Variants in NCALD observed in about 807,000 individuals in gnomAD.
NCALD encodes the protein neurocalcin delta.
A neutral mutation model predicts 18.6 loss-of-function variants in NCALD; 10 were observed. The ratio of observed to expected loss-of-function variants is 0.54; its 90% CI spans 0.33 to 0.91. The LOEUF is 0.91. NCALD is among the 40% of genes least tolerant of loss of function. The probability of loss-of-function intolerance (pLI) is 0.03; values close to 1 mark genes in which losing one functional copy is unlikely to be tolerated. For missense variants in NCALD, 184 were observed against 247.6 expected (o/e 0.74, Z 1.72); for synonymous variants, 88 against 87.4 (o/e 1.01, Z -0.04).
chr8:102,051,784 G>C (rs183272215), intron 1 of NCALD, among the ~76,000 whole-genome samples: 14 of 152,300 alleles, frequency 9.2e-5, no homozygotes, highest in Admixed American at 8.5e-4. Flanking sequence ...AAATCACAGT[G>C]TGCCATGCAA....
At chr8:102,053,888 T>G (rs1823537794) in intron 1 of NCALD, among the ~76,000 whole-genome samples, 1 of 152,250 alleles carries the variant, frequency 6.6e-6, no homozygotes, top group Admixed American at 6.5e-5. Context: ...ATAAATCGAA[T>G]GCTCTCCCAG....
At chr8:101,693,200 G>A (rs1003097846) in intron 2 of NCALD, 1 of 290,128 alleles carries the variant, frequency 3.4e-6, no homozygotes, top group South Asian at 3.5e-5. Context: ...ACCCAGGCTG[G>A]AGTGTAGTGG....
chr8:101,734,456 G>A (rs1816986688), intron 1 of NCALD, among the ~76,000 whole-genome samples: 1 of 152,198 alleles, frequency 6.6e-6, no homozygotes. Context: ...ACTGTAGGGG[G>A]ATTCTGTCTT....
At chr8:101,974,691 T>G (rs1230678060) in intron 2 of NCALD, among the ~76,000 whole-genome samples, 1 of 152,212 alleles carries the variant, frequency 6.6e-6, no homozygotes, top group Non-Finnish European at 1.5e-5. Flanking sequence ...TTCTGCAATT[T>G]TTGTGTGTGT....
intron 1 of NCALD, among the ~76,000 whole-genome samples, chr8:102,092,531 A>C (rs1824958702): frequency 6.6e-6 from 1 of 152,182 alleles, no homozygotes; most frequent in African/African-American, 2.4e-5. Flanking sequence ...TATTGGAAAG[A>C]AGACTGAAGT....
At chr8:101,960,841 C>T (rs1342967469) in intron 2 of NCALD, among the ~76,000 whole-genome samples, 1 of 152,126 alleles carries the variant, frequency 6.6e-6, no homozygotes, top group East Asian at 1.9e-4. Flanking sequence ...TATACCGGCT[C>T]CTTCCCTCCG....
At chr8:101,872,103 G>C (rs1816045781) in intron 4 of NCALD, 2 of 1,592,290 alleles carry the variant, frequency 1.3e-6, no homozygotes, top group Admixed American at 3.3e-5. Flanking sequence ...TGGTTGAATT[G>C]GCTTTGATAA....
intron 1 of NCALD, among the ~76,000 whole-genome samples, chr8:102,081,373 T>G (rs2132332703): frequency 6.6e-6 from 1 of 152,178 alleles, no homozygotes; most frequent in South Asian, 2.1e-4. Flanking sequence ...GTCATTTTGT[T>G]TTCACTGTCT....
chr8:102,025,068 C>T (rs1822406618), intron 1 of NCALD, among the ~76,000 whole-genome samples: 1 of 152,200 alleles, frequency 6.6e-6, no homozygotes, highest in Admixed American at 6.5e-5. Flanking sequence ...GACCTGTCCC[C>T]TGCCTCTCTC....
intron 1 of NCALD, among the ~76,000 whole-genome samples, chr8:102,055,548 A>G (rs1409977482): frequency 6.6e-6 from 1 of 152,226 alleles, no homozygotes; most frequent in Non-Finnish European, 1.5e-5. Context: ...CCTTCTTTCT[A>G]GCACTTCTAC....
At chr8:101,731,010 G>C (rs978029456) in intron 1 of NCALD, among the ~76,000 whole-genome samples, 3 of 152,152 alleles carry the variant, frequency 2.0e-5, no homozygotes, top group Admixed American at 2.0e-4. Flanking sequence ...TCAGTGAACG[G>C]GTGTCGGAGT....
At chr8:101,921,281 T>C (rs1404938924) in intron 2 of NCALD, among the ~76,000 whole-genome samples, 2 of 151,386 alleles carry the variant, frequency 1.3e-5, no homozygotes, top group Non-Finnish European at 2.9e-5. Flanking sequence ...AATCTCAAAT[T>C]ATATTATTGA....
At chr8:101,853,617 A>T (rs903457726) in intron 4 of NCALD, among the ~76,000 whole-genome samples, 1 of 152,134 alleles carries the variant, frequency 6.6e-6, no homozygotes, top group African/African-American at 2.4e-5. Context: ...GAAACAAATG[A>T]CTATTAAATT....
At chr8:101,760,207 T>G (rs80241920) in intron 1 of NCALD, among the ~76,000 whole-genome samples, 1 of 152,158 alleles carries the variant, frequency 6.6e-6, no homozygotes, top group Non-Finnish European at 1.5e-5. Flanking sequence ...ACACATAGAC[T>G]GAATTTTCCA....
At chr8:101,938,266 TATAC>T (rs1361434720) in intron 2 of NCALD, among the ~76,000 whole-genome samples, 1 of 152,246 alleles carries the variant, frequency 6.6e-6, no homozygotes, top group Non-Finnish European at 1.5e-5. Context: ...ATATGATACA[TATAC>T]ATATTTAAAA....
chr8:101,987,930 G>C (rs1425238470), intron 2 of NCALD, among the ~76,000 whole-genome samples: 1 of 152,080 alleles, frequency 6.6e-6, no homozygotes, highest in East Asian at 1.9e-4. Context: ...CGAGGCGGGC[G>C]GATCACGAGG....
At chr8:102,048,959 G>A (rs1314583160) in intron 1 of NCALD, among the ~76,000 whole-genome samples, 2 of 152,210 alleles carry the variant, frequency 1.3e-5, no homozygotes, top group African/African-American at 4.8e-5. Flanking sequence ...TGCAAAGCCT[G>A]TAACAGCCTT....
intron 3 of NCALD, among the ~76,000 whole-genome samples, chr8:101,891,731 C>T (rs919947131): frequency 3.3e-5 from 5 of 152,332 alleles, no homozygotes; most frequent in African/African-American, 1.2e-4. Context: ...GTTCCCTTTC[C>T]AAGTCAAAGA....
At chr8:101,841,801 T>C (rs780399716) in intron 4 of NCALD, among the ~76,000 whole-genome samples, 1 of 152,150 alleles carries the variant, frequency 6.6e-6, no homozygotes, top group Non-Finnish European at 1.5e-5. Context: ...AACATAATTC[T>C]GGCCAAGGAG....
Sources: allele counts gnomAD v4.1 joint callset (sites outside exome capture counted in the v4.1 genomes callset), GRCh38; gene constraint gnomAD v4.1.1; transcripts MANE v1.5; gene names NCBI Gene and HGNC (gene_info 2026-07-23, HGNC 2026-07-21).